ACOT7: variants seen among roughly 807,000 people sequenced by gnomAD.
ACOT7 encodes acyl-CoA thioesterase 7, also known as cytosolic acyl coenzyme A thioester hydrolase.
A neutral mutation model predicts 40.2 loss-of-function variants in ACOT7; 12 were observed. That is an observed-to-expected ratio of 0.30 (90% CI 0.19 to 0.48). The LOEUF (loss-of-function observed/expected upper bound fraction) is 0.48. Ranked by LOEUF, ACOT7 falls within the 20% of genes least tolerant of loss-of-function variation. The pLI, the probability that ACOT7 is intolerant of heterozygous loss-of-function variation, is 0.99. For synonymous variants in ACOT7, 228 were observed against 219.5 expected, an observed-to-expected ratio of 1.04 and a Z score of -0.34; for missense variants, 395 against 530.8, an observed-to-expected ratio of 0.74 and a Z score of 2.51.
Position 6,276,035 on chromosome 1 carries a change from T to A in ACOT7, c.1014+5067A>T, listed in dbSNP as rs553035625. Reference sequence around the variant, plus strand: ...GGCGCTCACTCAGCCCTGACAGCCATGGAACAGGCTACAGGCTTCTCCCTG... The same window carrying A: ...GGCGCTCACTCAGCCCTGACAGCCAAGGAACAGGCTACAGGCTTCTCCCTG... On this transcript the variant is annotated intron_variant, in intron 8 of 8. Transcript: ENST00000361521. 7.4e-4 allele frequency among the ~76,000 whole-genome samples: 113 copies of A among 152,274 alleles called. 4 individuals are homozygous for A. The South Asian group carries it at 0.015, about 20-fold the overall frequency.
intron 1 of ACOT7, among the ~76,000 whole-genome samples, chr1:6,390,997 C>T (rs778971272): frequency 1.3e-5 from 2 of 150,492 alleles, no homozygotes; most frequent in Non-Finnish European, 3.0e-5. Flanking sequence ...TAAAGCTATA[C>T]AAAAATCTAG....
At chr1:6,280,351 A>C (rs753816793) in intron 8 of ACOT7, among the ~76,000 whole-genome samples, 2 of 152,220 alleles carry the variant, frequency 1.3e-5, no homozygotes, top group African/African-American at 2.4e-5. Flanking sequence ...CTCTGTTCTT[A>C]TGACAGAGAC....
At chr1:6,314,257 C>T (rs1302192373) in intron 6 of ACOT7, among the ~76,000 whole-genome samples, 1 of 152,110 alleles carries the variant, frequency 6.6e-6, no homozygotes, top group Non-Finnish European at 1.5e-5. Context: ...CATCAAGGGA[C>T]AGCAACAGAG....
At chr1:6,380,354 T>C (rs530965626) in intron 1 of ACOT7, among the ~76,000 whole-genome samples, 1 of 151,236 alleles carries the variant, frequency 6.6e-6, no homozygotes, top group Non-Finnish European at 1.5e-5. Flanking sequence ...AATCCCAGCA[T>C]GTTGGGAGGC....
Position 6,333,513 on chromosome 1 carries a change from C to T in ACOT7, c.474G>A (p.Lys158=). Residue 158 remains lysine, a synonymous_variant, in exon 4 of 9, where the codon AAG becomes AAA. Coordinates refer to ENST00000361521, the MANE Select transcript of ACOT7 (RefSeq NM_007274.4). Reference sequence around the variant, plus strand: ...GCACCTCGAGGACCTTGTCCACATTCTTCAGCGACAGGGGCACATACCACA... The same window carrying T: ...GCACCTCGAGGACCTTGTCCACATTTTTCAGCGACAGGGGCACATACCACA... ...ATLWYVPLSL[K]NVDKVLEVPP... 1 of 1,614,266 alleles carries T rather than the reference C, an allele frequency of 6.2e-7. No homozygotes were observed. Among genetic ancestry groups the T allele is most frequent in the Non-Finnish European group, 8.5e-7 (1 of 1,180,046 alleles).
intron 8 of ACOT7, among the ~76,000 whole-genome samples, chr1:6,267,715 C>T (rs769141860): frequency 7.2e-5 from 11 of 152,226 alleles, no homozygotes; most frequent in Non-Finnish European, 1.2e-4. Flanking sequence ...AGCTCTGCCC[C>T]GCCTCTGGGA....
chr1:6,337,192 C>T (rs1486479928), intron 3 of ACOT7, among the ~76,000 whole-genome samples: 2 of 152,200 alleles, frequency 1.3e-5, no homozygotes, highest in African/African-American at 2.4e-5. Context: ...GCCCATCCTT[C>T]GGAGGAGGAG....
chr1:6,306,560 T>C lies in ACOT7; in HGVS notation c.713-11580A>G. ...AGCTGTTCTTCAGAACAGAAGAACCTGGAGAACGATGTTTTCAAACACCAA... is the reference window on the plus strand; with the variant it reads ...AGCTGTTCTTCAGAACAGAAGAACCCGGAGAACGATGTTTTCAAACACCAA... On this transcript the variant is annotated intron_variant, in intron 6 of 8. Coordinates refer to ENST00000361521, the MANE Select transcript of ACOT7 (RefSeq NM_007274.4). The surrounding 1 kb of genome is among the most constrained non-coding windows in gnomAD (Gnocchi z 4.3). 1 of 985,386 alleles carries C rather than the reference T, an allele frequency of 1.0e-6. No individual in the cohort carries two copies. The highest frequency in any genetic ancestry group is 1.2e-6 in the Non-Finnish European group (1 of 829,916). The allele number at this position is 985,386 out of a possible 1,614,324, so 61.0% of individuals were successfully genotyped here.
rs183161322 is a variant in ACOT7, at chr1:6,274,838, T to C, written c.1014+6264A>G. ...GTGTGGGTGGGCGGCGCAGTGCAGG[T>C]GGGCAGCGCGTTGGGACTCCCAGGG... On this transcript the variant is annotated intron_variant, in intron 8 of 8. Coordinates refer to ENST00000361521, the MANE Select transcript of ACOT7 (RefSeq NM_007274.4). This position sits in a 1 kb window ranked among gnomAD's most constrained non-coding sequence, Gnocchi z 5.9. 8.5e-3 allele frequency among the ~76,000 whole-genome samples: 1,293 copies of C among 152,178 alleles called. 79 individuals carry two copies. The highest frequency in any genetic ancestry group is 1.8e-3 in the Non-Finnish European group (124 of 67,990).
rs61739537 is a variant in ACOT7, at chr1:6,264,687, G to A, written c.1023C>T (p.Thr341=). 0.01 allele frequency: 16,823 copies of A among 1,613,148 alleles called. 234 individuals carry two copies. Among genetic ancestry groups the A allele is most frequent in the African/African-American group, 0.061 (4,568 of 75,038 alleles). Residue 341 remains threonine (T), a synonymous_variant, in exon 9 of 9, where the codon ACC becomes ACT. Transcript: ENST00000361521. ...CCTCAAAGCGCTTCTTCTCGTCCTCGGTCTCGGGCTGTGGACCACACACAG... is the reference window on the plus strand; with the variant it reads ...CCTCAAAGCGCTTCTTCTCGTCCTCAGTCTCGGGCTGTGGACCACACACAG... ...SLPVPQLVPE[T]EDEKKRFEEG...
In ACOT7 at chr1:6,282,405, G is replaced by T. The variant is rs570227836; in HGVS notation, c.830-1119C>A. Among the ~76,000 whole-genome samples, 1 of 152,170 alleles carries T rather than the reference G, an allele frequency of 6.6e-6. No homozygotes were observed. The highest frequency in any genetic ancestry group is 2.4e-5 in the African/African-American group (1 of 41,444). ...ACTTCCGGGGCAAGTGCTGCCCTGCGGTCAGAATGCCCTCCCAGGCGGCCC... is the reference window on the plus strand; with the variant it reads ...ACTTCCGGGGCAAGTGCTGCCCTGCTGTCAGAATGCCCTCCCAGGCGGCCC... On this transcript the variant is annotated intron_variant, in intron 7 of 8. Transcript: ENST00000361521. This position sits in a 1 kb window ranked among gnomAD's most constrained non-coding sequence, Gnocchi z 4.5.
At chr1:6,318,688 C>T in intron 5 of ACOT7, 110 bp from the exon 6 acceptor site, 1 of 1,062,014 alleles carries the variant, frequency 9.4e-7, no homozygotes, top group Non-Finnish European at 1.4e-6. Context: ...CGAAGGCGTC[C>T]AAAGCCGGGT....
At position 6,299,640 on chromosome 1, in the gene ACOT7, C is replaced by G. The variant is rs866751049; in HGVS notation, c.713-4660G>C. ...CTGACTAGGTACTAGGTCATGGCTT[C>G]AGAGAGAGAGAGAGAGAGAGCGCAA... On this transcript the variant is annotated intron_variant, in intron 6 of 8. Transcript: ENST00000361521. The surrounding 1 kb of genome is among the most constrained non-coding windows in gnomAD (Gnocchi z 4.1). Among the ~76,000 whole-genome samples, 169 of 148,394 alleles carry G rather than the reference C, an allele frequency of 1.1e-3. 1 individual carries two copies. Among genetic ancestry groups the G allele is most frequent in the African/African-American group, 4.0e-3 (161 of 40,758 alleles).
chr1:6,375,845 G>C (rs1243091477), intron 1 of ACOT7, among the ~76,000 whole-genome samples: 2 of 151,926 alleles, frequency 1.3e-5, no homozygotes, highest in African/African-American at 4.8e-5. Context: ...GGCCGAGACA[G>C]AAGAATGGCA....
intron 5 of ACOT7, among the ~76,000 whole-genome samples, chr1:6,324,504 T>A (rs1185286780): frequency 1.3e-5 from 2 of 152,116 alleles, no homozygotes; most frequent in African/African-American, 4.8e-5. Flanking sequence ...TTTAAACTGA[T>A]TGAAAACCTT....
At chr1:6,271,680 T>C (rs938219912) in intron 8 of ACOT7, among the ~76,000 whole-genome samples, 4 of 151,990 alleles carry the variant, frequency 2.6e-5, no homozygotes, top group African/African-American at 4.8e-5. Context: ...AATTACCTCC[T>C]CCTCCACACC....
At chr1:6,341,752 AT>A (rs55838444) in intron 2 of ACOT7, among the ~76,000 whole-genome samples, 3 of 150,710 alleles carry the variant, frequency 2.0e-5, no homozygotes, top group Non-Finnish European at 2.9e-5. Flanking sequence ...AAAAAAAAAA[AT>A]TTTTTTCAAT....
intron 6 of ACOT7, among the ~76,000 whole-genome samples, chr1:6,308,868 C>T (rs1481689697): frequency 6.6e-6 from 1 of 152,230 alleles, no homozygotes; most frequent in Non-Finnish European, 1.5e-5. Flanking sequence ...CCAGCACAGC[C>T]AGTACATCTC....
chr1:6,268,294 G>T (rs1422835468), intron 8 of ACOT7, among the ~76,000 whole-genome samples: 2 of 152,190 alleles, frequency 1.3e-5, no homozygotes, highest in Non-Finnish European at 2.9e-5. Flanking sequence ...TCTCTGTGGT[G>T]GGGGAGTAGT....
Sources: gnomAD v4.1 joint callset for allele counts (sites outside exome capture counted in the v4.1 genomes callset) on GRCh38, gnomAD v4.1.1 for gene constraint, Gnocchi (gnomAD v3.1) non-coding constraint, MANE v1.5 for transcripts, NCBI Gene and HGNC (gene_info 2026-07-23, HGNC 2026-07-21) for gene names.